The following XKR4 variants were observed in gnomAD, a reference collection of about 807,000 sequenced individuals.
XKR4 encodes XK related 4.
In XKR4, 12 loss-of-function variants were observed where a neutral mutation model predicts 53.9. The ratio of observed to expected loss-of-function variants is 0.22; its 90% CI spans 0.14 to 0.36. The LOEUF (loss-of-function observed/expected upper bound fraction) is 0.36. Among genes scored for constraint, XKR4 ranks in the 10% least tolerant of loss-of-function variants. The pLI is 1.00. For missense variants in XKR4, 799 were observed against 859.5 expected, an observed-to-expected ratio of 0.93 and a Z score of 0.88; for synonymous variants, 354 against 362.4, an observed-to-expected ratio of 0.98 and a Z score of 0.26.
At chr8:55,111,769 GAAC>G (rs1033358618) in intron 1 of XKR4, among the ~76,000 whole-genome samples, 15 of 152,096 alleles carry the variant, frequency 9.9e-5, no homozygotes, top group Non-Finnish European at 2.2e-4. Context: ...TAACAAATAA[GAAC>G]AACGCTTCAC....
chr8:55,401,205 C>T (rs1450420023), intron 2 of XKR4, among the ~76,000 whole-genome samples: 1 of 152,218 alleles, frequency 6.6e-6, no homozygotes, highest in East Asian at 1.9e-4. Context: ...CCACCTGCAA[C>T]CTTAGAGGAC....
At chr8:55,377,409 GA>G (rs749642291) in intron 2 of XKR4, among the ~76,000 whole-genome samples, 10 of 152,298 alleles carry the variant, frequency 6.6e-5, no homozygotes, top group Non-Finnish European at 1.2e-4. Context: ...GTCACATAGG[GA>G]ATATTTAGCT....
At chr8:55,231,374 A>T (rs999546930) in intron 1 of XKR4, among the ~76,000 whole-genome samples, 3 of 152,248 alleles carry the variant, frequency 2.0e-5, no homozygotes, top group Non-Finnish European at 2.9e-5. Context: ...TGTGTGGAAC[A>T]TATTATAATA....
chr8:55,429,652 A>G lies in XKR4; in HGVS notation c.1006+71775A>G, dbSNP rs1805071667. On this transcript the variant is annotated intron_variant, in intron 2 of 2. Transcript: ENST00000327381. ...GCACTGAGGTAGAAGGATCACTTGA[A>G]CCCAAGAGTTCAAGGTTACAGCGAG... Among the ~76,000 whole-genome samples, 4 of 152,098 alleles carry G rather than the reference A, an allele frequency of 2.6e-5. No homozygotes were observed. In the South Asian group the frequency reaches 8.3e-4, roughly 32 times the overall value.
intron 1 of XKR4, among the ~76,000 whole-genome samples, chr8:55,263,505 C>A (rs1370865373): frequency 3.9e-5 from 6 of 152,184 alleles, no homozygotes; most frequent in Non-Finnish European, 8.8e-5. Flanking sequence ...GAAATAAATA[C>A]AAAACTAGAG....
At chr8:55,363,226 T>A (rs1187571575) in intron 2 of XKR4, among the ~76,000 whole-genome samples, 1 of 152,166 alleles carries the variant, frequency 6.6e-6, no homozygotes, top group Non-Finnish European at 1.5e-5. Flanking sequence ...TACCAACAAA[T>A]GCCGTCCCAC....
chr8:55,220,184 T>G (rs1817862595), intron 1 of XKR4, among the ~76,000 whole-genome samples: 1 of 152,126 alleles, frequency 6.6e-6, no homozygotes, highest in African/African-American at 2.4e-5. Context: ...CCCATAAATA[T>G]ACATAATTAT....
chr8:55,512,740 T>C (rs1442798790), intron 2 of XKR4, among the ~76,000 whole-genome samples: 1 of 151,908 alleles, frequency 6.6e-6, no homozygotes, highest in Non-Finnish European at 1.5e-5. Context: ...GCCTTCTGAG[T>C]GCAACCCACA....
intron 2 of XKR4, among the ~76,000 whole-genome samples, chr8:55,387,346 C>T (rs1366087741): frequency 6.6e-6 from 1 of 152,208 alleles, no homozygotes; most frequent in Non-Finnish European, 1.5e-5. Flanking sequence ...TTATTGCTCA[C>T]CACCAAGATC....
At chr8:55,148,286 T>A (rs772760421) in intron 1 of XKR4, among the ~76,000 whole-genome samples, 5 of 152,134 alleles carry the variant, frequency 3.3e-5, no homozygotes, top group Admixed American at 3.3e-4. Context: ...ACACCTGTAG[T>A]CCCAGCTACT....
intron 1 of XKR4, among the ~76,000 whole-genome samples, chr8:55,306,330 A>G (rs1027668901): frequency 6.6e-6 from 1 of 152,206 alleles, no homozygotes; most frequent in African/African-American, 2.4e-5. Flanking sequence ...AAAAAGGTCA[A>G]TGTAACTAAG....
intron 1 of XKR4, among the ~76,000 whole-genome samples, chr8:55,289,757 AAGAG>A (rs375301110): frequency 1.4e-4 from 20 of 147,452 alleles, no homozygotes; most frequent in African/African-American, 3.6e-4. Context: ...GAAAGAAAGA[AAGAG>A]AGAAAGAAAG....
intron 1 of XKR4, among the ~76,000 whole-genome samples, chr8:55,171,912 T>C (rs1425728157): frequency 6.6e-6 from 1 of 152,144 alleles, no homozygotes; most frequent in Non-Finnish European, 1.5e-5. Context: ...CTGCCAGGCT[T>C]TGCAATCCAT....
At chr8:55,485,725 A>G (rs1364329447) in intron 2 of XKR4, among the ~76,000 whole-genome samples, 1 of 152,084 alleles carries the variant, frequency 6.6e-6, no homozygotes, top group Non-Finnish European at 1.5e-5. Flanking sequence ...TACTGGTTAT[A>G]GAGCTGGCTA....
chr8:55,137,664 A>G (rs1816650084), intron 1 of XKR4, among the ~76,000 whole-genome samples: 1 of 151,624 alleles, frequency 6.6e-6, no homozygotes, highest in Non-Finnish European at 1.5e-5. Context: ...CCTGGGCTCA[A>G]GTGATCTTCC....
chr8:55,316,507 A>G (rs1819477357), intron 1 of XKR4, among the ~76,000 whole-genome samples: 1 of 152,220 alleles, frequency 6.6e-6, no homozygotes, highest in African/African-American at 2.4e-5. Context: ...TGTTAAGAAT[A>G]TTTATGATTT....
chr8:55,147,858 A>T (rs914584078), intron 1 of XKR4, among the ~76,000 whole-genome samples: 1 of 152,200 alleles, frequency 6.6e-6, no homozygotes, highest in Non-Finnish European at 1.5e-5. Flanking sequence ...CAGATGAATG[A>T]CATAAACCAA....
chr8:55,140,890 C>G (rs1244737684), intron 1 of XKR4, among the ~76,000 whole-genome samples: 1 of 152,186 alleles, frequency 6.6e-6, no homozygotes, highest in East Asian at 1.9e-4. Flanking sequence ...AGAGACCTTT[C>G]AGATGAACTG....
Position 55,470,080 on chromosome 8 carries a change from A to C in XKR4, c.1007-53201A>C, listed in dbSNP as rs532446419. Among the ~76,000 whole-genome samples, 83 of 152,256 alleles carry C rather than the reference A, an allele frequency of 5.5e-4. 1 individual carries two copies. Among genetic ancestry groups the C allele is most frequent in the African/African-American group, 1.9e-3 (80 of 41,502 alleles). ...CAGCTCTATCTGATGTAATGGGGGA[A>C]AGTAAAGGTTTTCATAGATAAAGTA... On this transcript the variant is annotated intron_variant, in intron 2 of 2. Transcript: ENST00000327381.
Sources: allele counts gnomAD v4.1 joint callset (sites outside exome capture counted in the v4.1 genomes callset), GRCh38; gene constraint gnomAD v4.1.1; transcripts MANE v1.5; gene names NCBI Gene and HGNC (gene_info 2026-07-23, HGNC 2026-07-21).